The following TMEM132B variants were observed in gnomAD, a reference collection of about 807,000 sequenced individuals.
TMEM132B encodes the protein transmembrane protein 132B.
Under a neutral mutation model 90.8 loss-of-function variants are expected in TMEM132B, and 18 were observed. That is an observed-to-expected ratio of 0.20 (90% CI 0.14 to 0.29). The LOEUF is 0.29. TMEM132B is among the 10% of genes least tolerant of loss of function. The pLI is 1.00. For synonymous variants in TMEM132B, 504 were observed against 523.3 expected (o/e 0.96, Z 0.50); for missense variants, 1,096 against 1,326.8 (o/e 0.83, Z 2.70).
chr12:125,624,916 A>G (rs1012614522), intron 5 of TMEM132B, among the ~76,000 whole-genome samples: 7 of 151,732 alleles, frequency 4.6e-5, no homozygotes, highest in Non-Finnish European at 8.8e-5. Context: ...ATGCAGTTCT[A>G]TGGGTTTTCA....
chr12:125,233,832 A>G (rs746635004), intron 1 of TMEM132B, among the ~76,000 whole-genome samples: 4 of 151,950 alleles, frequency 2.6e-5, no homozygotes, highest in Non-Finnish European at 5.9e-5. Context: ...TGGAGCCTGA[A>G]CCTCCAGGTC....
chr12:125,580,690 G>A (rs1332539660), intron 4 of TMEM132B, among the ~76,000 whole-genome samples: 1 of 152,068 alleles, frequency 6.6e-6, no homozygotes, highest in African/African-American at 2.4e-5. Flanking sequence ...TAAACCTTTG[G>A]TTTATTTCCA....
At chr12:125,586,364 A>G (rs531348784) in intron 5 of TMEM132B, 111 of 152,360 alleles carry the variant, frequency 7.3e-4, no homozygotes, top group African/African-American at 2.6e-3. Flanking sequence ...CATGATTTTG[A>G]AAAGCTGGAA....
chr12:125,544,799 C>T (rs1264306218), intron 4 of TMEM132B, among the ~76,000 whole-genome samples: 1 of 152,122 alleles, frequency 6.6e-6, no homozygotes, highest in Non-Finnish European at 1.5e-5. Context: ...GCAGATTATG[C>T]AGGGCCAAAA....
intron 5 of TMEM132B, among the ~76,000 whole-genome samples, chr12:125,597,622 A>C (rs1885471641): frequency 6.6e-6 from 1 of 152,206 alleles, no homozygotes; most frequent in Non-Finnish European, 1.5e-5. Context: ...TCATTTTTAA[A>C]GAAATCACTC....
intron 5 of TMEM132B, among the ~76,000 whole-genome samples, chr12:125,613,255 T>A (rs1396960844): frequency 1.5e-5 from 2 of 137,486 alleles, no homozygotes; most frequent in African/African-American, 5.4e-5. Context: ...GTGTTTATAT[T>A]TATGGGGTAC....
In TMEM132B at chr12:125,361,028, A is replaced by G. The variant is rs141533287; in HGVS notation, c.959+10685A>G. Among the ~76,000 whole-genome samples the G allele has an allele frequency of 1.4e-4, 21 of 152,214 alleles. No individual in the cohort carries two copies. The East Asian group carries it at 3.5e-3, about 25-fold the overall frequency. On this transcript the variant is annotated intron_variant, in intron 2 of 8. Coordinates refer to ENST00000682704, the MANE Select transcript of TMEM132B (RefSeq NM_001366854.1). The stretch of plus-strand genomic sequence containing the variant: ...GAGTAAATGAGATAAGGAAGCTACC[A>G]AGCCTAGTGCCTGGGAGCAATTTGA...
chr12:125,375,308 C>A (rs1878440241), intron 2 of TMEM132B, among the ~76,000 whole-genome samples: 1 of 152,134 alleles, frequency 6.6e-6, no homozygotes, highest in Admixed American at 6.6e-5. Context: ...GAGATGGAGG[C>A]TGAGTTTTCA....
chr12:125,341,256 T>A (rs10846877), intron 1 of TMEM132B, among the ~76,000 whole-genome samples: 2 of 152,074 alleles, frequency 1.3e-5, no homozygotes, highest in Non-Finnish European at 2.9e-5. Context: ...ATAACTGCTC[T>A]GTGCCTCAGT....
intron 5 of TMEM132B, among the ~76,000 whole-genome samples, chr12:125,589,002 C>T (rs1368090527): frequency 6.6e-6 from 1 of 152,156 alleles, no homozygotes; most frequent in Non-Finnish European, 1.5e-5. Flanking sequence ...ATACATATTA[C>T]ATCCATACCT....
chr12:125,299,069 T>C (rs1264025671), intron 1 of TMEM132B, among the ~76,000 whole-genome samples: 3 of 152,152 alleles, frequency 2.0e-5, no homozygotes, highest in African/African-American at 7.2e-5. Context: ...CTTGCTGTGT[T>C]GCCCAGGCTG....
chr12:125,554,973 A>G (rs541574949), intron 4 of TMEM132B, among the ~76,000 whole-genome samples: 8 of 152,334 alleles, frequency 5.3e-5, no homozygotes, highest in African/African-American at 1.9e-4. Flanking sequence ...ACACAATTAT[A>G]TACTTTGCTG....
chr12:125,477,729 G>C (rs1341760045), intron 3 of TMEM132B, among the ~76,000 whole-genome samples: 1 of 152,154 alleles, frequency 6.6e-6, no homozygotes, highest in Admixed American at 6.5e-5. Context: ...CAGCTCTGAA[G>C]AGAGCAGTGG....
At chr12:125,193,047 T>C (rs1262331501) in intron 1 of TMEM132B, among the ~76,000 whole-genome samples, 1 of 152,118 alleles carries the variant, frequency 6.6e-6, no homozygotes, top group African/African-American at 2.4e-5. Flanking sequence ...CTGAGGCTGT[T>C]AGCACAGGGC....
intron 4 of TMEM132B, among the ~76,000 whole-genome samples, chr12:125,581,888 A>G (rs1038762246): frequency 2.6e-5 from 4 of 152,194 alleles, no homozygotes; most frequent in Non-Finnish European, 5.9e-5. Context: ...GTGCTTTAAT[A>G]TAAATATATG....
At position 125,431,397 on chromosome 12, in the gene TMEM132B, C is replaced by T. The variant is rs140715230; in HGVS notation, c.1106+15720C>T. ...ACAGAGAAGCAAATGATCTGGCTAA[C>T]TCTACTTCGGTGGAAAGACACCAGC... On this transcript the variant is annotated intron_variant, in intron 3 of 8. Coordinates refer to ENST00000682704, the MANE Select transcript of TMEM132B (RefSeq NM_001366854.1). Among the ~76,000 whole-genome samples the T allele has an allele frequency of 7.4e-3, 1,132 of 152,224 alleles. 21 individuals are homozygous for T. The highest frequency in any genetic ancestry group is 0.026 in the African/African-American group (1,079 of 41,524).
chr12:125,462,837 G>A (rs1037617031), intron 3 of TMEM132B, among the ~76,000 whole-genome samples: 1 of 152,128 alleles, frequency 6.6e-6, no homozygotes, highest in Non-Finnish European at 1.5e-5. Context: ...ACTTTTGGTC[G>A]TGCTCTATAC....
intron 3 of TMEM132B, among the ~76,000 whole-genome samples, chr12:125,486,346 T>C (rs1210938620): frequency 6.6e-6 from 1 of 152,180 alleles, no homozygotes; most frequent in East Asian, 1.9e-4. Flanking sequence ...TTATAGTGTA[T>C]TGGTTATGAG....
chr12:125,295,515 T>TGAGAGAGAGAGAGAGA (rs1555237218), intron 1 of TMEM132B, among the ~76,000 whole-genome samples: 2 of 142,334 alleles, frequency 1.4e-5, no homozygotes, highest in African/African-American at 5.4e-5. Context: ...TGTGTGTGTG[T>TGAGAGAGAGAGAGAGA]GAGAGAGAGA....
Sources: gnomAD v4.1 joint callset for allele counts (sites outside exome capture counted in the v4.1 genomes callset) on GRCh38, gnomAD v4.1.1 for gene constraint, MANE v1.5 for transcripts, NCBI Gene and HGNC (gene_info 2026-07-23, HGNC 2026-07-21) for gene names.